The following LRRTM4 variants were observed in gnomAD, a reference collection of about 807,000 sequenced individuals.
LRRTM4 encodes leucine rich repeat transmembrane neuronal 4.
In LRRTM4, 25 loss-of-function variants were observed where a neutral mutation model predicts 47.6. The ratio of observed to expected loss-of-function variants is 0.53; its 90% CI spans 0.38 to 0.73. The LOEUF (loss-of-function observed/expected upper bound fraction) is 0.73, where lower values mean the gene tolerates loss of function less well. Among genes scored for constraint, LRRTM4 ranks in the 30% least tolerant of loss-of-function variants. The probability of loss-of-function intolerance (pLI) is 0.00; values close to 1 mark genes in which losing one functional copy is unlikely to be tolerated. For missense variants in LRRTM4, 638 were observed against 713.4 expected (o/e 0.89, Z 1.20); for synonymous variants, 311 against 269.5 (o/e 1.15, Z -1.51).
At chr2:77,261,626 A>G (rs139266426) in intron 3 of LRRTM4, among the ~76,000 whole-genome samples, 10 of 152,096 alleles carry the variant, frequency 6.6e-5, no homozygotes, top group East Asian at 1.9e-4. Flanking sequence ...GGGGTCCCGG[A>G]AAAGGGTCCC....
At chr2:77,447,242 T>C (rs1676086643) in intron 3 of LRRTM4, among the ~76,000 whole-genome samples, 2 of 152,082 alleles carry the variant, frequency 1.3e-5, no homozygotes, top group African/African-American at 2.4e-5. Context: ...TCCAAGGCAA[T>C]TTGTGTGTGT....
At chr2:77,475,318 C>A (rs990749934) in intron 3 of LRRTM4, among the ~76,000 whole-genome samples, 2 of 151,996 alleles carry the variant, frequency 1.3e-5, no homozygotes, top group Non-Finnish European at 2.9e-5. Flanking sequence ...CGTATTTTTC[C>A]TTTTGGGAAA....
chr2:76,841,220 A>C (rs1011072088), intron 3 of LRRTM4, among the ~76,000 whole-genome samples: 4 of 151,540 alleles, frequency 2.6e-5, no homozygotes, highest in Admixed American at 6.6e-5. Context: ...GTGGGAATTG[A>C]ACAATGAGAA....
intron 3 of LRRTM4, among the ~76,000 whole-genome samples, chr2:77,362,623 A>AT (rs890949713): frequency 6.6e-6 from 1 of 152,162 alleles, no homozygotes; most frequent in Non-Finnish European, 1.5e-5. Flanking sequence ...GACTGGTCCG[A>AT]TTCGTCTTTT....
intron 3 of LRRTM4, among the ~76,000 whole-genome samples, chr2:76,966,411 T>C (rs1488292328): frequency 6.6e-6 from 1 of 151,426 alleles, no homozygotes; most frequent in Non-Finnish European, 1.5e-5. Context: ...TGTGTGTTTT[T>C]GCTCTAGACT....
chr2:77,110,106 A>C (rs1394951698), intron 3 of LRRTM4, among the ~76,000 whole-genome samples: 1 of 152,184 alleles, frequency 6.6e-6, no homozygotes, highest in Non-Finnish European at 1.5e-5. Flanking sequence ...CCTTAGACAC[A>C]GACATCACAG....
At chr2:77,230,820 T>C (rs1175108368) in intron 3 of LRRTM4, among the ~76,000 whole-genome samples, 1 of 152,072 alleles carries the variant, frequency 6.6e-6, no homozygotes, top group African/African-American at 2.4e-5. Context: ...TATACATTTT[T>C]AAAAGAAATA....
chr2:76,942,034 G>A (rs571017776), intron 3 of LRRTM4, among the ~76,000 whole-genome samples: 4 of 152,092 alleles, frequency 2.6e-5, no homozygotes, highest in African/African-American at 4.8e-5. Context: ...AACACATTGT[G>A]GTTTTGATTT....
At chr2:77,086,479 T>A (rs1369086929) in intron 3 of LRRTM4, among the ~76,000 whole-genome samples, 1 of 149,752 alleles carries the variant, frequency 6.7e-6, no homozygotes, top group African/African-American at 2.5e-5. Flanking sequence ...TATAATAATT[T>A]TTTTTTTTTT....
intron 3 of LRRTM4, chr2:76,773,130 C>G (rs1261483443): frequency 2.0e-5 from 3 of 152,222 alleles, no homozygotes; most frequent in Non-Finnish European, 4.4e-5. Flanking sequence ...TCTCAAGGAC[C>G]TGGGAGACAT....
At chr2:77,255,421 T>G (rs1222089697) in intron 3 of LRRTM4, among the ~76,000 whole-genome samples, 1 of 151,968 alleles carries the variant, frequency 6.6e-6, no homozygotes, top group South Asian at 2.1e-4. Flanking sequence ...AACTACAGGA[T>G]CTACTTGATA....
chr2:77,222,124 T>G (rs1176319511), intron 3 of LRRTM4, among the ~76,000 whole-genome samples: 1 of 152,028 alleles, frequency 6.6e-6, no homozygotes, highest in Non-Finnish European at 1.5e-5. Flanking sequence ...CATAAGGAAA[T>G]GAAGGCAGAA....
In LRRTM4 at chr2:77,481,432, A is replaced by T. The variant is rs570874851; in HGVS notation, c.1551+36886T>A. On this transcript the variant is annotated intron_variant, in intron 3 of 3. Coordinates refer to ENST00000409884, the MANE Select transcript of LRRTM4 (RefSeq NM_001134745.3). ...TACATTAGTCTCCCCTGCTTATCCC[A>T]CACTGCAGAATGAACAGATTAGGGT... Among the ~76,000 whole-genome samples the T allele has an allele frequency of 5.3e-5, 8 of 152,288 alleles. No individual in the cohort carries two copies. The East Asian group carries it at 5.8e-4, about 11-fold the overall frequency.
At chr2:77,066,302 C>A (rs1255647020) in intron 3 of LRRTM4, among the ~76,000 whole-genome samples, 2 of 152,134 alleles carry the variant, frequency 1.3e-5, no homozygotes, top group Non-Finnish European at 2.9e-5. Context: ...ACTACTGAGT[C>A]TGTTGTATTA....
intron 3 of LRRTM4, among the ~76,000 whole-genome samples, chr2:77,372,384 C>G (rs1165031245): frequency 6.6e-6 from 1 of 151,622 alleles, no homozygotes; most frequent in Non-Finnish European, 1.5e-5. Flanking sequence ...ACTGAATGTT[C>G]TCTATCTGTT....
intron 3 of LRRTM4, among the ~76,000 whole-genome samples, chr2:76,903,216 CAAATAA>C: frequency 6.6e-6 from 1 of 151,720 alleles, no homozygotes; most frequent in African/African-American, 2.4e-5. Context: ...CTAAAACAAA[CAAATAA>C]AAATAAAAAA....
At chr2:77,360,929 G>A (rs992664995) in intron 3 of LRRTM4, among the ~76,000 whole-genome samples, 2 of 151,708 alleles carry the variant, frequency 1.3e-5, no homozygotes, top group African/African-American at 4.8e-5. Context: ...TTATTACTGA[G>A]CTTAACTTTC....
intron 3 of LRRTM4, among the ~76,000 whole-genome samples, chr2:76,788,568 A>G (rs1674801548): frequency 6.6e-6 from 1 of 152,210 alleles, no homozygotes. Flanking sequence ...AATAAGAGAG[A>G]TAATTTCAGA....
intron 3 of LRRTM4, among the ~76,000 whole-genome samples, chr2:76,782,128 C>G (rs1050500936): frequency 1.3e-5 from 2 of 152,196 alleles, no homozygotes; most frequent in African/African-American, 4.8e-5. Context: ...AGCTATCTTG[C>G]ACCCGCATAA....
Sources: allele counts gnomAD v4.1 joint callset (sites outside exome capture counted in the v4.1 genomes callset), GRCh38; gene constraint gnomAD v4.1.1; transcripts MANE v1.5; gene names NCBI Gene and HGNC (gene_info 2026-07-23, HGNC 2026-07-21).